Variants in DRICH1 observed in about 807,000 individuals in gnomAD.
DRICH1 encodes aspartate-rich protein 1.
In DRICH1, 38 loss-of-function variants were observed where a neutral mutation model predicts 39.5. That is an observed-to-expected ratio of 0.96 (90% CI 0.74 to 1.26). DRICH1 has a LOEUF of 1.26. Among genes scored for constraint, DRICH1 ranks in the 50% most tolerant of loss-of-function variants. The probability of loss-of-function intolerance (pLI) is 0.00; values close to 1 mark genes in which losing one functional copy is unlikely to be tolerated. For missense variants in DRICH1, 279 were observed against 270.4 expected (o/e 1.03, Z -0.22); for synonymous variants, 84 against 99.5 (o/e 0.84, Z 0.93).
intron 7 of DRICH1, 130 bp downstream of exon 7, chr22:23,617,445 C>T: frequency 9.4e-7 from 1 of 1,066,936 alleles, no homozygotes; most frequent in Non-Finnish European, 1.4e-6. Flanking sequence ...GTTGGGCCCC[C>T]TCTCCTGGGA....
the DRICH1 span, among the ~76,000 whole-genome samples, chr22:23,598,158 C>G: frequency 6.7e-6 from 1 of 149,322 alleles, no homozygotes; most frequent in Non-Finnish European, 1.5e-5. Context: ...TCCAGGCCTC[C>G]CTGGCCAACC....
At chr22:23,591,372 C>T in the DRICH1 span, among the ~76,000 whole-genome samples, 1 of 152,196 alleles carries the variant, frequency 6.6e-6, no homozygotes, top group Non-Finnish European at 1.5e-5. Flanking sequence ...GGGCACTCTT[C>T]CAGGCCCTGT....
At chr22:23,590,526 G>A in the DRICH1 span, among the ~76,000 whole-genome samples, 5,345 of 152,104 alleles carry the variant, frequency 0.035, 299 homozygotes, top group African/African-American at 0.12. Flanking sequence ...TGATCTGCCT[G>A]CCTTGGTCTC....
At chr22:23,595,148 C>T in the DRICH1 span, among the ~76,000 whole-genome samples, 45,672 of 117,720 alleles carry the variant, frequency 0.39, 8,900 homozygotes, top group East Asian at 0.49. Context: ...TTGGCAGTTT[C>T]ATAAGAACTG....
At chr22:23,582,555 C>CTTTTATTATTATTA in the DRICH1 span, among the ~76,000 whole-genome samples, 4 of 143,872 alleles carry the variant, frequency 2.8e-5, no homozygotes, top group Non-Finnish European at 4.5e-5. Context: ...CCTTCAGGGG[C>CTTTTATTATTATTA]TTATTATTAT....
chr22:23,620,337 A>C (rs1301934982), intron 5 of DRICH1, among the ~76,000 whole-genome samples: 4 of 151,916 alleles, frequency 2.6e-5, no homozygotes, highest in Non-Finnish European at 4.4e-5. Flanking sequence ...ATAACCACCA[A>C]CATCAGGATA....
chr22:23,583,533 T>A, the DRICH1 span: 1 of 152,176 alleles, frequency 6.6e-6, no homozygotes, highest in Non-Finnish European at 1.5e-5. Flanking sequence ...CTCATAGAGA[T>A]CACGAGAGCC....
intron 8 of DRICH1, among the ~76,000 whole-genome samples, chr22:23,614,504 C>G (rs1184968318): frequency 6.6e-6 from 1 of 152,128 alleles, no homozygotes; most frequent in Non-Finnish European, 1.5e-5. Context: ...TGCCTTCCTC[C>G]CTCTCAAATG....
chr22:23,603,006 CTTTT>C, the DRICH1 span, among the ~76,000 whole-genome samples: 80 of 130,010 alleles, frequency 6.2e-4, 1 homozygote, highest in South Asian at 0.02. Flanking sequence ...AACACATTTA[CTTTT>C]TTTTTTTTTT....
chr22:23,596,120 T>C, the DRICH1 span, among the ~76,000 whole-genome samples: 2 of 152,192 alleles, frequency 1.3e-5, no homozygotes, highest in South Asian at 4.1e-4. Context: ...TCTTCCACAG[T>C]GGGTTCTAGT....
chr22:23,594,772 G>A, the DRICH1 span, among the ~76,000 whole-genome samples: 886 of 149,590 alleles, frequency 5.9e-3, 34 homozygotes, highest in Admixed American at 0.053. Flanking sequence ...CAGAGGCTTC[G>A]TTCATCTCCA....
the DRICH1 span, chr22:23,583,741 A>G: frequency 2.6e-5 from 4 of 152,538 alleles, no homozygotes; most frequent in Non-Finnish European, 4.4e-5. Context: ...GGAGGCCCCA[A>G]TCCAGTCTAG....
the DRICH1 span, among the ~76,000 whole-genome samples, chr22:23,597,852 G>C: frequency 2.0e-5 from 3 of 152,162 alleles, no homozygotes. Flanking sequence ...CGTCACCTGT[G>C]AGCTGCATGA....
At position 23,631,887 on chromosome 22, in the gene DRICH1, G is replaced by A. The variant is rs375967994; in HGVS notation, c.137C>T (p.Pro46Leu). Residue 46 changes from proline (P) to leucine (L), a missense_variant, in exon 1 of 12, where the codon CCT becomes CTT. Transcript: ENST00000317749. ...AATSESTTVE[P>L]GKLDVGATEG... The stretch of plus-strand genomic sequence containing the variant: ...CGTGGCTCCCACATCCAGCTTGCCA[G>A]GCTCTACAGTAGTGGATTCTGATGT... The A allele has an allele frequency of 2.9e-5, 47 of 1,613,086 alleles. No homozygotes were observed. Among genetic ancestry groups the A allele is most frequent in the Non-Finnish European group, 3.9e-5 (46 of 1,180,032 alleles).
chr22:23,589,246 T>G, the DRICH1 span, among the ~76,000 whole-genome samples: 10 of 151,086 alleles, frequency 6.6e-5, no homozygotes, highest in Non-Finnish European at 1.2e-4. Flanking sequence ...AGCCCAGGAG[T>G]TCAAGACCAG....
chr22:23,628,335 G>A (rs542830945), intron 1 of DRICH1, among the ~76,000 whole-genome samples: 3 of 152,346 alleles, frequency 2.0e-5, no homozygotes, highest in African/African-American at 7.2e-5. Context: ...GGGAGGCCGA[G>A]GTGGGTGGAT....
At chr22:23,586,278 C>T in the DRICH1 span, among the ~76,000 whole-genome samples, 1 of 152,198 alleles carries the variant, frequency 6.6e-6, no homozygotes, top group Non-Finnish European at 1.5e-5. Flanking sequence ...CACTTGAGCC[C>T]AGGAGTTTGA....
chr22:23,617,390 G>T (rs1439198846), intron 7 of DRICH1, among the ~76,000 whole-genome samples, 185 bp downstream of exon 7: 1 of 152,112 alleles, frequency 6.6e-6, no homozygotes, highest in Non-Finnish European at 1.5e-5. Context: ...AAAAAAACCA[G>T]AATAGGATAT....
the DRICH1 span, among the ~76,000 whole-genome samples, chr22:23,584,650 G>A: frequency 6.6e-6 from 1 of 152,188 alleles, no homozygotes; most frequent in South Asian, 2.1e-4. Context: ...ATTATTTACG[G>A]CCAGGGTGAT....
Sources: gnomAD v4.1 joint callset for allele counts (sites outside exome capture counted in the v4.1 genomes callset) on GRCh38, gnomAD v4.1.1 for gene constraint, MANE v1.5 for transcripts, NCBI Gene and HGNC (gene_info 2026-07-23, HGNC 2026-07-21) for gene names.